Variants in TMPRSS15 observed in about 807,000 individuals in gnomAD.
The protein encoded by TMPRSS15 is transmembrane serine protease 15.
Under a neutral mutation model 125.3 loss-of-function variants are expected in TMPRSS15, and 128 were observed. The ratio of observed to expected loss-of-function variants is 1.02; its 90% CI spans 0.89 to 1.18. The LOEUF (loss-of-function observed/expected upper bound fraction) is 1.18, where lower values mean the gene tolerates loss of function less well. TMPRSS15 is among the 50% of genes most tolerant of loss of function. The pLI is 0.00. For synonymous variants in TMPRSS15, 446 were observed against 423.2 expected (o/e 1.05, Z -0.66); for missense variants, 1,283 against 1,212.7 (o/e 1.06, Z -0.86).
chr21:18,300,502 T>A (rs2074960152), intron 18 of TMPRSS15, among the ~76,000 whole-genome samples: 1 of 151,866 alleles, frequency 6.6e-6, no homozygotes. Context: ...CCACCACACC[T>A]GGCTAATTTT....
chr21:18,341,610 C>T (rs1012509873), intron 12 of TMPRSS15, 62 bp from the exon 13 acceptor site: 32 of 1,567,942 alleles, frequency 2.0e-5, no homozygotes, highest in Non-Finnish European at 2.6e-5. Context: ...TGACTTGATT[C>T]TTCTTGTGAG....
At chr21:18,349,802 A>T (rs1473088720) in intron 10 of TMPRSS15, among the ~76,000 whole-genome samples, 1 of 152,144 alleles carries the variant, frequency 6.6e-6, no homozygotes, top group Non-Finnish European at 1.5e-5. Context: ...CCTCCACTTG[A>T]CATTCAACCC....
At chr21:18,438,365 T>C (rs184547571) in intron 1 of TMPRSS15, among the ~76,000 whole-genome samples, 2 of 148,376 alleles carry the variant, frequency 1.3e-5, no homozygotes, top group East Asian at 4.1e-4. Context: ...TTGGGAGATA[T>C]ACCTAATGTT....
chr21:18,301,629 C>T (rs1238437015), intron 18 of TMPRSS15, among the ~76,000 whole-genome samples: 1 of 152,180 alleles, frequency 6.6e-6, no homozygotes, highest in Non-Finnish European at 1.5e-5. Context: ...TAAAACTAGA[C>T]TGTACATTTT....
chr21:18,385,836 C>T (rs748104528), intron 3 of TMPRSS15, among the ~76,000 whole-genome samples: 2 of 152,076 alleles, frequency 1.3e-5, no homozygotes, highest in South Asian at 2.1e-4. Context: ...CTTCGCCTCC[C>T]GGGTTCAAGC....
rs919504468 is a variant in TMPRSS15, at chr21:18,270,014, G to C, written c.3015C>G (p.Ala1005=). The change falls in exon 25 of 25, where the codon GCC becomes GCG. Residue 1005 remains alanine, a synonymous_variant. Coordinates refer to ENST00000284885, the MANE Select transcript of TMPRSS15 (RefSeq NM_002772.3). ...CALPNRPGVY[A]RVSRFTEWIQ... is the part of the protein sequence containing the mutation. The stretch of plus-strand genomic sequence containing the variant: ...TCCATTCGGTAAACCTTGAGACCCT[G>C]GCATACACTCCGGGGCGATTAGGCA... 5.2e-5 allele frequency: 84 copies of C among 1,613,718 alleles called. No individual in the cohort carries two copies. In the Admixed American group the frequency reaches 1.4e-3, roughly 26 times the overall value.
chr21:18,423,512 C>T (rs760548363), intron 1 of TMPRSS15, among the ~76,000 whole-genome samples: 23 of 151,338 alleles, frequency 1.5e-4, no homozygotes, highest in Non-Finnish European at 2.8e-4. Context: ...GGGTTCAGGC[C>T]ATTCTCCTGC....
At chr21:18,387,377 C>A (rs987243072) in intron 3 of TMPRSS15, among the ~76,000 whole-genome samples, 3 of 152,012 alleles carry the variant, frequency 2.0e-5, no homozygotes, top group African/African-American at 7.3e-5. Flanking sequence ...ATATTGGTAA[C>A]CTTTAGGGCT....
chr21:18,446,285 C>T (rs2076255638), intron 1 of TMPRSS15, among the ~76,000 whole-genome samples: 1 of 151,978 alleles, frequency 6.6e-6, no homozygotes, highest in African/African-American at 2.4e-5. Flanking sequence ...AACTATAAAA[C>T]ACTAATGAAA....
Position 18,328,314 on chromosome 21 carries a change from C to T in TMPRSS15, c.1780+855G>A, listed in dbSNP as rs538876769. 3.3e-5 allele frequency among the ~76,000 whole-genome samples: 5 copies of T among 152,190 alleles called. No homozygotes were observed. The East Asian group carries it at 5.8e-4, about 18-fold the overall frequency. ...TTTGAAGCATTCTCAGGTACCTACA[C>T]AGAAGCAGCTAGTACTAGAGACACA... On this transcript the variant is annotated intron_variant, in intron 15 of 24. Transcript: ENST00000284885.
At chr21:18,484,500 C>A (rs921434965) in intron 1 of TMPRSS15, among the ~76,000 whole-genome samples, 1 of 151,680 alleles carries the variant, frequency 6.6e-6, no homozygotes, top group Non-Finnish European at 1.5e-5. Flanking sequence ...TCCTTCTAAC[C>A]TTGATCTTTT....
upstream of TMPRSS15, among the ~76,000 whole-genome samples, chr21:18,405,623 G>T (rs1005222375): frequency 6.6e-6 from 1 of 152,102 alleles, no homozygotes; most frequent in Non-Finnish European, 1.5e-5. Context: ...TATGAAAAAC[G>T]TAGGGCATTA....
At chr21:18,470,309 A>G (rs908304981) in intron 1 of TMPRSS15, among the ~76,000 whole-genome samples, 1 of 145,052 alleles carries the variant, frequency 6.9e-6, no homozygotes, top group Non-Finnish European at 1.5e-5. Context: ...ATTCCTTATC[A>G]ATACAGAAAA....
chr21:18,471,414 T>G (rs1019893432), intron 1 of TMPRSS15, among the ~76,000 whole-genome samples: 1 of 152,002 alleles, frequency 6.6e-6, no homozygotes, highest in African/African-American at 2.4e-5. Flanking sequence ...ATGGTCTAAA[T>G]CTGTAACTAT....
chr21:18,286,252 C>T (rs116946789), intron 21 of TMPRSS15, among the ~76,000 whole-genome samples: 173 of 152,124 alleles, frequency 1.1e-3, no homozygotes, highest in Admixed American at 2.0e-3. Flanking sequence ...TCCCAGGGGT[C>T]TGCCTTCGGC....
At chr21:18,356,804 T>C (rs3787590) in intron 8 of TMPRSS15, among the ~76,000 whole-genome samples, 116,704 of 151,762 alleles carry the variant, frequency 0.77, 45,099 homozygotes, top group East Asian at 0.88. Context: ...GTGATTATTT[T>C]TGTTGTAGGA....
chr21:18,274,190 C>T lies in TMPRSS15; in HGVS notation c.2904+1007G>A, dbSNP rs75246775. The stretch of plus-strand genomic sequence containing the variant: ...TATTTACTAAGCTTCATAATAAAAA[C>T]TGTTAACATTTTTGAGTAATTGCTC... On this transcript the variant is annotated intron_variant, in intron 24 of 24. Coordinates refer to ENST00000284885, the MANE Select transcript of TMPRSS15 (RefSeq NM_002772.3). 4.8e-4 allele frequency among the ~76,000 whole-genome samples: 73 copies of T among 152,246 alleles called. 2 individuals are homozygous for T. The East Asian group carries it at 0.014, about 29-fold the overall frequency.
At chr21:18,382,877 G>A (rs1467293476) in intron 4 of TMPRSS15, among the ~76,000 whole-genome samples, 1 of 151,878 alleles carries the variant, frequency 6.6e-6, no homozygotes, top group African/African-American at 2.4e-5. Flanking sequence ...AACAATCTAA[G>A]CATTTACAAT....
intron 1 of TMPRSS15, among the ~76,000 whole-genome samples, chr21:18,443,118 G>T (rs560101638): frequency 1.3e-5 from 2 of 151,536 alleles, no homozygotes; most frequent in Admixed American, 1.3e-4. Flanking sequence ...AACTAGCCCC[G>T]ATTAAATAGT....
Sources: allele counts gnomAD v4.1 joint callset (sites outside exome capture counted in the v4.1 genomes callset), GRCh38; gene constraint gnomAD v4.1.1; transcripts MANE v1.5; gene names NCBI Gene and HGNC (gene_info 2026-07-23, HGNC 2026-07-21).